The following ATF6 variants were observed in gnomAD, a reference collection of about 807,000 sequenced individuals.
ATF6 encodes cyclic AMP-dependent transcription factor ATF-6 alpha.
A neutral mutation model predicts 83.6 loss-of-function variants in ATF6; 53 were observed. That is an observed-to-expected ratio of 0.63 (90% confidence interval 0.51 to 0.80). The LOEUF (loss-of-function observed/expected upper bound fraction) is 0.80, where lower values mean the gene tolerates loss of function less well. Ranked by LOEUF, ATF6 falls within the 30% of genes least tolerant of loss-of-function variation. ATF6 has a pLI of 0.00. For synonymous variants in ATF6, 288 were observed against 285.8 expected (o/e 1.01, Z -0.08); for missense variants, 744 against 797.9 (o/e 0.93, Z 0.81).
intron 15 of ATF6, among the ~76,000 whole-genome samples, chr1:161,943,556 A>T (rs1400696402): frequency 6.6e-6 from 1 of 151,804 alleles, no homozygotes; most frequent in East Asian, 1.9e-4. Flanking sequence ...TCTTCCCTTG[A>T]TTCTCTCTGC....
intron 7 of ATF6, among the ~76,000 whole-genome samples, chr1:161,812,680 C>G (rs576775886): frequency 1.3e-5 from 2 of 151,964 alleles, no homozygotes; most frequent in Non-Finnish European, 2.9e-5. Flanking sequence ...GCGTGAGCCA[C>G]CGCGCCCGGC....
chr1:161,846,609 C>T (rs775668312), intron 10 of ATF6, 29 bp downstream of exon 10: 3 of 1,564,008 alleles, frequency 1.9e-6, no homozygotes, highest in South Asian at 2.4e-5. Context: ...ATCTTTTGGC[C>T]TAAGTGATTT....
At position 161,959,526 on chromosome 1, in the gene ATF6, C is replaced by T. The variant is rs950498808; in HGVS notation, c.*872C>T. 11 of 151,950 alleles carry T rather than the reference C, an allele frequency of 7.2e-5. No individual in the cohort carries two copies. Among genetic ancestry groups the T allele is most frequent in the African/African-American group, 1.7e-4 (7 of 41,440 alleles). The allele number at this position is 151,950 out of a possible 1,614,324, so 9.4% of individuals were successfully genotyped here. A position where few individuals can be genotyped will look rare whatever the true frequency, so the allele number is the denominator to read the frequency against. On this transcript the variant is annotated 3_prime_UTR_variant, in exon 16 of 16. Transcript: ENST00000367942. ...TCTACTAAAAATACAAAAAATTAGC[C>T]GGGCGTAGTGACGGGCGCCTGTAGT...
At chr1:161,912,220 T>C in intron 14 of ATF6, 76 bp from the exon 15 acceptor site, 1 of 916,232 alleles carries the variant, frequency 1.1e-6, no homozygotes, top group East Asian at 2.9e-5. Context: ...ATTGACCTCT[T>C]AGAAGCCCTG....
intron 9 of ATF6, among the ~76,000 whole-genome samples, chr1:161,831,788 C>T (rs1311113531): frequency 8.0e-6 from 1 of 124,322 alleles, no homozygotes. Flanking sequence ...CACACTGGGG[C>T]CTGTGGTGGG....
intron 9 of ATF6, among the ~76,000 whole-genome samples, chr1:161,842,422 A>G (rs980283607): frequency 6.6e-6 from 1 of 152,250 alleles, no homozygotes. Flanking sequence ...ATGCATATTT[A>G]TAGCAGCAAA....
intron 9 of ATF6, among the ~76,000 whole-genome samples, chr1:161,824,606 A>C (rs901504657): frequency 1.3e-5 from 2 of 152,186 alleles, no homozygotes; most frequent in Non-Finnish European, 2.9e-5. Flanking sequence ...TGCTTAGAAC[A>C]GTGGCTGGCA....
intron 9 of ATF6, among the ~76,000 whole-genome samples, chr1:161,833,106 CT>C (rs1686112628): frequency 6.6e-6 from 1 of 152,224 alleles, no homozygotes. Flanking sequence ...CCAATATCCG[CT>C]GTTCTGCAGC....
At chr1:161,866,700 T>C (rs1343773218) in intron 14 of ATF6, among the ~76,000 whole-genome samples, 2 of 152,218 alleles carry the variant, frequency 1.3e-5, no homozygotes, top group Non-Finnish European at 2.9e-5. Context: ...GTAGAATAAC[T>C]GATACATTAA....
chr1:161,819,816 G>T lies in ATF6; in HGVS notation c.1093G>T (p.Glu365Ter), dbSNP rs772605686. 1 of 1,608,014 alleles carries T rather than the reference G, an allele frequency of 6.2e-7. No individual in the cohort carries two copies. The highest frequency in any genetic ancestry group is 1.7e-5 in the Admixed American group (1 of 59,090). ...GCGGCAGCTGGATGAAGTTGTGTCA[G>T]AGGTAAGTGTTAGTAATACGGCTGA... The part of the protein sequence containing the change: ...LKRQLDEVVS[E>*]NQRLKVPSPK... Residue 365 changes from glutamate (E) to a stop codon, truncating the protein, a stop_gained and splice_region_variant, in exon 8 of 16, where the codon GAG becomes TAG. Transcript: ENST00000367942. LOFTEE classifies it high-confidence loss of function.
At chr1:161,792,389 A>G in intron 6 of ATF6, 62 bp downstream of exon 6, 6 of 1,480,796 alleles carry the variant, frequency 4.1e-6, no homozygotes, top group Non-Finnish European at 5.6e-6. Flanking sequence ...GTTGTGTCAT[A>G]TGATTTGTTT....
intron 15 of ATF6, among the ~76,000 whole-genome samples, chr1:161,935,471 C>T (rs1186841849): frequency 6.6e-6 from 1 of 152,148 alleles, no homozygotes; most frequent in Non-Finnish European, 1.5e-5. Flanking sequence ...ATTAAATCTG[C>T]CAGTGCTTTG....
chr1:161,949,163 G>A (rs1015433788), intron 15 of ATF6, among the ~76,000 whole-genome samples: 1 of 152,184 alleles, frequency 6.6e-6, no homozygotes, highest in African/African-American at 2.4e-5. Context: ...GGAGATCACT[G>A]TCACCCACAC....
At chr1:161,845,958 T>A (rs1686477014) in intron 9 of ATF6, among the ~76,000 whole-genome samples, 1 of 151,952 alleles carries the variant, frequency 6.6e-6, no homozygotes, top group Admixed American at 6.6e-5. Context: ...TTTAAAAAAT[T>A]TTTTTTTCTT....
chr1:161,782,314 A>G (rs1378164337), intron 3 of ATF6, among the ~76,000 whole-genome samples: 1 of 152,192 alleles, frequency 6.6e-6, no homozygotes, highest in African/African-American at 2.4e-5. Flanking sequence ...TTAGGGAATC[A>G]AAGGGAAGAG....
chr1:161,839,659 C>A (rs1686308163), intron 9 of ATF6, among the ~76,000 whole-genome samples: 1 of 152,174 alleles, frequency 6.6e-6, no homozygotes, highest in African/African-American at 2.4e-5. Flanking sequence ...AGGTGTGAGC[C>A]ACTGTTCCCT....
intron 9 of ATF6, among the ~76,000 whole-genome samples, chr1:161,832,973 A>C (rs948928759): frequency 6.6e-6 from 1 of 152,122 alleles, no homozygotes; most frequent in Non-Finnish European, 1.5e-5. Flanking sequence ...TGGGTCCCTA[A>C]CCCCCGAGCA....
chr1:161,833,852 A>C (rs1686139734), intron 9 of ATF6, among the ~76,000 whole-genome samples: 1 of 152,226 alleles, frequency 6.6e-6, no homozygotes, highest in Non-Finnish European at 1.5e-5. Flanking sequence ...ATCCAGGAGA[A>C]CTTCCCCAAT....
chr1:161,842,039 A>G (rs1178711984), intron 9 of ATF6, among the ~76,000 whole-genome samples: 2 of 152,218 alleles, frequency 1.3e-5, no homozygotes, highest in African/African-American at 4.8e-5. Flanking sequence ...TACAAACCTT[A>G]AAGTATCAAT....
Sources: gnomAD v4.1 joint callset for allele counts (sites outside exome capture counted in the v4.1 genomes callset) on GRCh38, gnomAD v4.1.1 for gene constraint, MANE v1.5 for transcripts, NCBI Gene and HGNC (gene_info 2026-07-23, HGNC 2026-07-21) for gene names.